PPARGC1A: variants seen among roughly 807,000 people sequenced by gnomAD.
PPARGC1A encodes the protein peroxisome proliferator-activated receptor gamma coactivator 1-alpha.
PPARGC1A carries 25 observed loss-of-function variants against 88.7 expected under a neutral mutation model. The ratio of observed to expected loss-of-function variants is 0.28; its 90% CI spans 0.21 to 0.39. The LOEUF is 0.39. Ranked by LOEUF, PPARGC1A falls within the 10% of genes least tolerant of loss-of-function variation. The probability of loss-of-function intolerance (pLI) is 1.00; values close to 1 mark genes in which losing one functional copy is unlikely to be tolerated. For missense variants in PPARGC1A, 880 were observed against 968.7 expected (o/e 0.91, Z 1.22); for synonymous variants, 363 against 355.6 (o/e 1.02, Z -0.24).
the PPARGC1A span, among the ~76,000 whole-genome samples, chr4:24,039,807 G>A: frequency 1.1e-3 from 173 of 152,220 alleles, no homozygotes; most frequent in African/African-American, 3.7e-3. Context: ...TTAAGCATAC[G>A]TAAGCACTCG....
At chr4:24,187,734 A>G in the PPARGC1A span, among the ~76,000 whole-genome samples, 1 of 152,216 alleles carries the variant, frequency 6.6e-6, no homozygotes, top group Non-Finnish European at 1.5e-5. Context: ...TCTTTATGCA[A>G]CATGGGTAAA....
At chr4:24,030,283 A>T in the PPARGC1A span, among the ~76,000 whole-genome samples, 1 of 152,200 alleles carries the variant, frequency 6.6e-6, no homozygotes, top group African/African-American at 2.4e-5. Context: ...ATCTGAATGC[A>T]TCTGAAAACT....
At chr4:23,844,735 GATATATCATAATATATGATA>G (rs1560428319) in intron 2 of PPARGC1A, among the ~76,000 whole-genome samples, 3 of 34,024 alleles carry the variant, frequency 8.8e-5, no homozygotes, top group African/African-American at 5.2e-4. Flanking sequence ...TATAATATAT[GATATATCATAATATATGATA>G]TATATTATAA....
the PPARGC1A span, among the ~76,000 whole-genome samples, chr4:24,350,815 G>A: frequency 3.3e-5 from 5 of 152,112 alleles, no homozygotes; most frequent in Non-Finnish European, 7.4e-5. Context: ...GGGTGGAGTT[G>A]AGTGCAAGAA....
the PPARGC1A span, among the ~76,000 whole-genome samples, chr4:24,350,608 A>T: frequency 3.9e-5 from 6 of 152,252 alleles, no homozygotes; most frequent in African/African-American, 1.4e-4. Flanking sequence ...TGTATTTAGT[A>T]GTCATATCAA....
chr4:24,468,381 G>A, the PPARGC1A span, among the ~76,000 whole-genome samples: 1 of 152,148 alleles, frequency 6.6e-6, no homozygotes, highest in Non-Finnish European at 1.5e-5. Context: ...ACTTTAACTG[G>A]GGGTTTCATT....
chr4:24,260,445 C>T, the PPARGC1A span, among the ~76,000 whole-genome samples: 2 of 152,214 alleles, frequency 1.3e-5, no homozygotes, highest in Non-Finnish European at 1.5e-5. Context: ...CTCACACCTT[C>T]GCCAGTCAGA....
chr4:24,037,917 G>GTA, the PPARGC1A span, among the ~76,000 whole-genome samples: 6 of 152,142 alleles, frequency 3.9e-5, no homozygotes, highest in Non-Finnish European at 5.9e-5. Context: ...CTGATAAAAA[G>GTA]TAGGCACTCA....
the PPARGC1A span, among the ~76,000 whole-genome samples, chr4:24,429,241 C>T: frequency 4.6e-5 from 7 of 151,880 alleles, no homozygotes; most frequent in African/African-American, 1.7e-4. Context: ...TACACTTGCT[C>T]ACACTCTCTC....
At chr4:24,149,151 T>C in the PPARGC1A span, among the ~76,000 whole-genome samples, 1 of 152,168 alleles carries the variant, frequency 6.6e-6, no homozygotes, top group Non-Finnish European at 1.5e-5. Context: ...TCCTGAAAAC[T>C]GTATGGCAAT....
chr4:24,184,703 C>T, the PPARGC1A span, among the ~76,000 whole-genome samples: 2 of 152,286 alleles, frequency 1.3e-5, no homozygotes, highest in Middle Eastern at 6.8e-3. Context: ...CTATTTCATC[C>T]TTCAGAGCTG....
the PPARGC1A span, among the ~76,000 whole-genome samples, chr4:24,296,019 T>TATATAC: frequency 1.9e-5 from 1 of 53,264 alleles, no homozygotes; most frequent in Non-Finnish European, 4.3e-5. Flanking sequence ...TGTATATATA[T>TATATAC]GTATATGTGT....
At chr4:24,356,602 C>T in the PPARGC1A span, among the ~76,000 whole-genome samples, 2 of 152,146 alleles carry the variant, frequency 1.3e-5, no homozygotes, top group South Asian at 4.1e-4. Context: ...ATTAAATGGA[C>T]ACAAACTCCC....
the PPARGC1A span, among the ~76,000 whole-genome samples, chr4:23,940,390 A>C: frequency 6.6e-5 from 10 of 152,198 alleles, no homozygotes. Flanking sequence ...GAAGGAGGTG[A>C]CATTTCATTT....
the PPARGC1A span, among the ~76,000 whole-genome samples, chr4:24,003,216 C>A: frequency 6.6e-6 from 1 of 152,116 alleles, no homozygotes; most frequent in Non-Finnish European, 1.5e-5. Context: ...GAACACACAT[C>A]CTCTAATCCA....
chr4:23,917,301 AC>A, the PPARGC1A span, among the ~76,000 whole-genome samples: 1 of 151,894 alleles, frequency 6.6e-6, no homozygotes, highest in Non-Finnish European at 1.5e-5. Flanking sequence ...GTTATATTAC[AC>A]CACTGCCCTC....
chr4:24,042,943 C>T, the PPARGC1A span, among the ~76,000 whole-genome samples: 2 of 152,154 alleles, frequency 1.3e-5, no homozygotes, highest in Admixed American at 1.3e-4. Flanking sequence ...ACAAAGATCT[C>T]CTTGATTGTT....
At chr4:24,184,756 T>C in the PPARGC1A span, among the ~76,000 whole-genome samples, 1 of 152,190 alleles carries the variant, frequency 6.6e-6, no homozygotes, top group South Asian at 2.1e-4. Context: ...AATGAGGCAC[T>C]GAATCCCAAT....
the PPARGC1A span, among the ~76,000 whole-genome samples, chr4:24,465,343 T>G: frequency 4.6e-5 from 7 of 152,116 alleles, no homozygotes; most frequent in Admixed American, 4.6e-4. Context: ...AAACATAGAA[T>G]CCGAAAGAAA....
Sources: allele counts gnomAD v4.1 joint callset (sites outside exome capture counted in the v4.1 genomes callset), GRCh38; gene constraint gnomAD v4.1.1; transcripts MANE v1.5; gene names NCBI Gene and HGNC (gene_info 2026-07-23, HGNC 2026-07-21).